The following CNTN1 variants were observed in gnomAD, a reference collection of about 807,000 sequenced individuals.
CNTN1 encodes contactin-1.
CNTN1 carries 38 observed loss-of-function variants against 126.4 expected under a neutral mutation model. The ratio of observed to expected loss-of-function variants is 0.30; its 90% CI spans 0.23 to 0.39. The LOEUF (loss-of-function observed/expected upper bound fraction) is 0.39. Among genes scored for constraint, CNTN1 ranks in the 10% least tolerant of loss-of-function variants. The pLI, the probability that CNTN1 is intolerant of heterozygous loss-of-function variation, is 1.00. For missense variants in CNTN1, 1,009 were observed against 1,248.4 expected, an observed-to-expected ratio of 0.81 and a Z score of 2.89; for synonymous variants, 413 against 422.6, an observed-to-expected ratio of 0.98 and a Z score of 0.28.
At chr12:41,018,691 A>AAC (rs1345580731) in intron 19 of CNTN1, among the ~76,000 whole-genome samples, 2 of 91,546 alleles carry the variant, frequency 2.2e-5, no homozygotes, top group African/African-American at 1.3e-4. Context: ...TGTGTATTTT[A>AAC]ATATATGTGT....
At chr12:40,703,026 T>G (rs1433188907) in intron 1 of CNTN1, among the ~76,000 whole-genome samples, 1 of 120,420 alleles carries the variant, frequency 8.3e-6, no homozygotes, top group Non-Finnish European at 1.9e-5. Flanking sequence ...TATATATATA[T>G]TTTTTACAGA....
intron 1 of CNTN1, among the ~76,000 whole-genome samples, chr12:40,903,781 A>G (rs868471408): frequency 2.0e-4 from 30 of 152,348 alleles, no homozygotes; most frequent in African/African-American, 7.0e-4. Flanking sequence ...AAAAGATAGC[A>G]TGGAATAACA....
Position 41,055,883 on chromosome 12 carries a change from C to T in CNTN1, c.2981-14076C>T, listed in dbSNP as rs751429842. Among the ~76,000 whole-genome samples, 17 of 152,128 alleles carry T rather than the reference C, an allele frequency of 1.1e-4. 1 individual carries two copies. Among genetic ancestry groups the T allele is most frequent in the Non-Finnish European group, 2.1e-4 (14 of 68,008 alleles). On this transcript the variant is annotated intron_variant, in intron 23 of 23. Transcript: ENST00000551295. ...CAGGGACATTACAGCCACGGATTTG[C>T]TCTTACTTTGAAGAAGCACGGGTAC...
chr12:40,981,434 G>T (rs911449191), intron 16 of CNTN1, among the ~76,000 whole-genome samples: 1 of 151,876 alleles, frequency 6.6e-6, no homozygotes, highest in Non-Finnish European at 1.5e-5. Flanking sequence ...TTTTATTTGG[G>T]TATATATGTA....
intron 1 of CNTN1, among the ~76,000 whole-genome samples, chr12:40,827,195 A>G (rs1398079943): frequency 6.6e-6 from 1 of 151,512 alleles, no homozygotes; most frequent in Non-Finnish European, 1.5e-5. Flanking sequence ...TTTTTCAGGC[A>G]ATGAAAACAA....
intron 23 of CNTN1, among the ~76,000 whole-genome samples, chr12:41,068,423 T>A (rs1476863279): frequency 1.3e-5 from 2 of 152,140 alleles, no homozygotes; most frequent in Non-Finnish European, 2.9e-5. Context: ...CCTTGTTATC[T>A]GCCCTCACCT....
chr12:40,864,209 G>A (rs1476795491), intron 1 of CNTN1, among the ~76,000 whole-genome samples: 1 of 151,154 alleles, frequency 6.6e-6, no homozygotes, highest in Non-Finnish European at 1.5e-5. Context: ...GTAGAGACAG[G>A]GGGTTTCACC....
chr12:40,922,815 A>T (rs1217485771), intron 5 of CNTN1, among the ~76,000 whole-genome samples: 2 of 151,912 alleles, frequency 1.3e-5, no homozygotes, highest in Non-Finnish European at 1.5e-5. Flanking sequence ...TACTTAAAAT[A>T]CAAAAATTAG....
intron 5 of CNTN1, among the ~76,000 whole-genome samples, 170 bp from the exon 6 acceptor site, chr12:40,924,387 C>CA (rs1318933021): frequency 6.6e-6 from 1 of 152,096 alleles, no homozygotes; most frequent in Non-Finnish European, 1.5e-5. Context: ...ATAGTCTATA[C>CA]AAAATCTCAG....
intron 1 of CNTN1, among the ~76,000 whole-genome samples, chr12:40,903,521 A>G (rs1042335388): frequency 6.6e-6 from 1 of 151,888 alleles, no homozygotes; most frequent in African/African-American, 2.4e-5. Flanking sequence ...TTTCTTCCAC[A>G]TTAGTAGGAT....
rs374938536 is a variant in CNTN1 at position 40,943,583 on chromosome 12, T to C, written c.1380-14T>C. 1.3e-6 allele frequency: 2 copies of C among 1,537,156 alleles called. No individual in the cohort carries two copies. Among genetic ancestry groups the C allele is most frequent in the Non-Finnish European group, 1.8e-6 (2 of 1,111,252 alleles). On this transcript the variant is annotated splice_polypyrimidine_tract_variant and intron_variant, in intron 12 of 23. Transcript: ENST00000551295. ...AATCAGGTTTGTGAATTATATATAT[T>C]TTTATTTCACTAGAATACTCATTTG...
chr12:40,869,887 T>C (rs1196500404), intron 1 of CNTN1, among the ~76,000 whole-genome samples: 6 of 152,216 alleles, frequency 3.9e-5, no homozygotes, highest in Admixed American at 3.3e-4. Context: ...TACATTGATA[T>C]GGTTTGGCTT....
At chr12:40,968,193 G>A (rs1252066644) in intron 15 of CNTN1, among the ~76,000 whole-genome samples, 1 of 152,082 alleles carries the variant, frequency 6.6e-6, no homozygotes, top group Non-Finnish European at 1.5e-5. Context: ...CCAGCTCATG[G>A]CTGTAGCACA....
chr12:40,759,774 ATTTTTTT>A (rs33992864), intron 1 of CNTN1, among the ~76,000 whole-genome samples: 1 of 133,580 alleles, frequency 7.5e-6, no homozygotes. Flanking sequence ...TGGCCCAGAT[ATTTTTTT>A]TTTTTTTTTT....
intron 23 of CNTN1, among the ~76,000 whole-genome samples, chr12:41,059,721 G>T (rs187542728): frequency 2.0e-3 from 303 of 152,110 alleles, no homozygotes; most frequent in African/African-American, 7.1e-3. Flanking sequence ...TGGTTTAAAA[G>T]AATTAAAAAA....
At chr12:40,802,712 C>T (rs1415256139) in intron 1 of CNTN1, among the ~76,000 whole-genome samples, 2 of 151,974 alleles carry the variant, frequency 1.3e-5, no homozygotes, top group Non-Finnish European at 2.9e-5. Flanking sequence ...AAAGCAGTGG[C>T]ATGGTGAAAG....
intron 15 of CNTN1, chr12:40,972,549 A>ATG (rs975326956): frequency 1.7e-5 from 13 of 774,488 alleles, no homozygotes; most frequent in Non-Finnish European, 2.0e-5. Context: ...AAATTATTAT[A>ATG]TGTGTGTGTA....
At chr12:40,903,527 A>C (rs1565913817) in intron 1 of CNTN1, among the ~76,000 whole-genome samples, 1 of 151,960 alleles carries the variant, frequency 6.6e-6, no homozygotes, top group Non-Finnish European at 1.5e-5. Context: ...CCACATTAGT[A>C]GGATGGGCTC....
In CNTN1 at chr12:40,772,812, A is replaced by G. The variant is rs557875622; in HGVS notation, c.-77+80220A>G. 2.0e-5 allele frequency among the ~76,000 whole-genome samples: 3 copies of G among 152,082 alleles called. No individual in the cohort carries two copies. In the East Asian group the frequency reaches 5.8e-4, roughly 29 times the overall value. On this transcript the variant is annotated intron_variant, in intron 1 of 23. Coordinates refer to ENST00000551295, the MANE Select transcript of CNTN1 (RefSeq NM_001843.4). ...GTTGTTGTAATTGTCTAAGCAATAG[A>G]AAGAAGGGCTTCATTAGCATGGGGA...
Sources: gnomAD v4.1 joint callset for allele counts (sites outside exome capture counted in the v4.1 genomes callset) on GRCh38, gnomAD v4.1.1 for gene constraint, MANE v1.5 for transcripts, NCBI Gene and HGNC (gene_info 2026-07-23, HGNC 2026-07-21) for gene names.